CEP135: variants seen among roughly 807,000 people sequenced by gnomAD.
CEP135 encodes centrosomal protein 135, also known as centrosomal protein of 135 kDa.
In CEP135, 142 loss-of-function variants were observed where a neutral mutation model predicts 157.3. That is an observed-to-expected ratio of 0.90 (90% CI 0.79 to 1.04). The LOEUF (loss-of-function observed/expected upper bound fraction) is 1.04, where lower values mean the gene tolerates loss of function less well. Ranked by LOEUF, CEP135 falls within the 50% of genes least tolerant of loss-of-function variation. The pLI is 0.00. For synonymous variants in CEP135, 396 were observed against 439.8 expected (o/e 0.90, Z 1.25); for missense variants, 1,317 against 1,309.2 (o/e 1.01, Z -0.09).
chr4:55,969,616 G>C (rs889660620), intron 9 of CEP135, among the ~76,000 whole-genome samples: 3 of 151,974 alleles, frequency 2.0e-5, no homozygotes, highest in African/African-American at 7.3e-5. Flanking sequence ...TCATGCATGT[G>C]GTAGCATTTA....
At chr4:56,000,407 C>A (rs1264753703) in intron 17 of CEP135, among the ~76,000 whole-genome samples, 2 of 152,066 alleles carry the variant, frequency 1.3e-5, no homozygotes, top group Admixed American at 6.5e-5. Context: ...ACTGGAGTCA[C>A]CCTATTGATA....
intron 11 of CEP135, among the ~76,000 whole-genome samples, chr4:55,975,471 T>C (rs924621602): frequency 2.0e-5 from 3 of 152,248 alleles, no homozygotes; most frequent in Non-Finnish European, 4.4e-5. Flanking sequence ...GAGATTGTTT[T>C]GTTTGTCCAC....
rs370487863 is a variant in CEP135, at chr4:55,966,922, TTAAAA to T, written c.1044+1069_1044+1073del. On this transcript the variant is annotated intron_variant, in intron 8 of 25. Transcript: ENST00000257287. ...TCCAGTCTATTTTAAATATAATATC[TTAAAA>T]TAAAACTATTTCATTGTTCTTTTAA... Among the ~76,000 whole-genome samples, 140 of 152,294 alleles carry T rather than the reference TTAAAA, an allele frequency of 9.2e-4. 2 individuals carry two copies. Among genetic ancestry groups the T allele is most frequent in the African/African-American group, 3.2e-3 (135 of 41,580 alleles).
At chr4:55,973,468 G>A (rs1729093366) in intron 10 of CEP135, among the ~76,000 whole-genome samples, 1 of 152,106 alleles carries the variant, frequency 6.6e-6, no homozygotes, top group Non-Finnish European at 1.5e-5. Context: ...CAGTCTTCTG[G>A]CCTCAGATTA....
Position 55,973,365 on chromosome 4 carries a change from A to T in CEP135, c.1250-1381A>T, listed in dbSNP as rs1363459836. ...ATTTAAAATGTTTTGCACTGTCAAT[A>T]AACCCGTGAGTCCCATTTCCCACCT... On this transcript the variant is annotated intron_variant, in intron 10 of 25. Coordinates refer to ENST00000257287, the MANE Select transcript of CEP135 (RefSeq NM_025009.5). Among the ~76,000 whole-genome samples, 4 of 152,326 alleles carry T rather than the reference A, an allele frequency of 2.6e-5. No individual in the cohort carries two copies. In the East Asian group the frequency reaches 7.7e-4, roughly 29 times the overall value.
chr4:55,963,129 C>G (rs1054517824), intron 6 of CEP135, among the ~76,000 whole-genome samples: 9 of 152,208 alleles, frequency 5.9e-5, no homozygotes, highest in Non-Finnish European at 1.2e-4. Flanking sequence ...TCACCAAGTT[C>G]TGTCATTTCT....
At chr4:55,997,787 A>G (rs1181836841) in intron 15 of CEP135, among the ~76,000 whole-genome samples, 1 of 152,208 alleles carries the variant, frequency 6.6e-6, no homozygotes, top group Non-Finnish European at 1.5e-5. Context: ...ATGAGCTAAT[A>G]TGTACAAAGT....
chr4:55,990,061 C>T (rs1299622797), intron 14 of CEP135, among the ~76,000 whole-genome samples: 1 of 152,138 alleles, frequency 6.6e-6, no homozygotes, highest in Non-Finnish European at 1.5e-5. Context: ...ACTGATCCAT[C>T]TTCTTTTTTC....
chr4:56,023,033 A>G (rs1246307222), intron 24 of CEP135, among the ~76,000 whole-genome samples: 1 of 152,098 alleles, frequency 6.6e-6, no homozygotes, highest in African/African-American at 2.4e-5. Flanking sequence ...GGAGTTCAAG[A>G]CCAGCCTGGG....
chr4:55,977,176 T>C (rs768743114), intron 11 of CEP135, among the ~76,000 whole-genome samples: 7 of 152,200 alleles, frequency 4.6e-5, no homozygotes, highest in Admixed American at 1.3e-4. Flanking sequence ...ACCACAAAGA[T>C]CATTCTACAG....
chr4:56,010,082 G>T (rs1040163444), intron 19 of CEP135, among the ~76,000 whole-genome samples, 179 bp downstream of exon 19: 2 of 152,106 alleles, frequency 1.3e-5, no homozygotes, highest in Non-Finnish European at 2.9e-5. Context: ...GGGCGCAGTG[G>T]CTCACACCTG....
chr4:55,989,164 A>G lies in CEP135; in HGVS notation c.1858-2770A>G, dbSNP rs569237634. 6.6e-5 allele frequency among the ~76,000 whole-genome samples: 10 copies of G among 152,244 alleles called. No homozygotes were observed. The East Asian group carries it at 1.9e-3, about 29-fold the overall frequency. On this transcript the variant is annotated intron_variant, in intron 14 of 25. Coordinates refer to ENST00000257287, the MANE Select transcript of CEP135 (RefSeq NM_025009.5). ...AGGAAAAAATTGGATCCTAACTCAA[A>G]TATGCCACACCCAAAAATCAGTTAA...
Position 56,005,739 on chromosome 4 carries a change from A to G in CEP135, c.2281-2588A>G, listed in dbSNP as rs1233761758. On this transcript the variant is annotated intron_variant, in intron 17 of 25. Coordinates refer to ENST00000257287, the MANE Select transcript of CEP135 (RefSeq NM_025009.5). The stretch of plus-strand genomic sequence containing the variant: ...TTTTGCACGTTAGTTTTTTTCTTTC[A>G]AATTGAAAAACTCCCTTAGCATTTC... Among the ~76,000 whole-genome samples the G allele has an allele frequency of 2.6e-5, 4 of 152,182 alleles. No homozygotes were observed. In the East Asian group the frequency reaches 7.7e-4, roughly 29 times the overall value.
At position 55,981,340 on chromosome 4, in the gene CEP135, A is replaced by G. The variant is rs59759676; in HGVS notation, c.1740A>G (p.Arg580=). ...AACTTGCGTTATCTGACTTAAGAAG[A>G]ATTATGGCAGAAAAGGAAGCTTTAA... ...EKELALSDLR[R]IMAEKEALRE... The change falls in exon 13 of 26, where the codon AGA becomes AGG. Residue 580 remains arginine, a synonymous_variant. Transcript: ENST00000257287. 925 of 1,587,506 alleles carry G rather than the reference A, an allele frequency of 5.8e-4. 1 individual carries two copies. Among genetic ancestry groups the G allele is most frequent in the African/African-American group, 3.9e-3 (283 of 72,964 alleles).
intron 17 of CEP135, among the ~76,000 whole-genome samples, chr4:56,004,502 G>C (rs1477272669): frequency 6.6e-6 from 1 of 152,196 alleles, no homozygotes; most frequent in Non-Finnish European, 1.5e-5. Flanking sequence ...TGATAGTGGG[G>C]TGGTGAAGTC....
chr4:56,020,738 A>G lies in CEP135; in HGVS notation c.3278A>G (p.Tyr1093Cys), dbSNP rs1553895735. The G allele has an allele frequency of 1.2e-6, 2 of 1,613,762 alleles. No homozygotes were observed. The highest frequency in any genetic ancestry group is 1.7e-5 in the Admixed American group (1 of 60,008). ...AAAGTGGCACAGTTACAAACAGATT[A>G]TGATGCTCTGAAAAGGCAGATCTCA... ...RAKVAQLQTD[Y>C]DALKRQISTE... The change falls in exon 24 of 26, where the codon TAT becomes TGT. Residue 1093 changes from tyrosine (Y) to cysteine (C), a missense_variant. Coordinates refer to ENST00000257287, the MANE Select transcript of CEP135 (RefSeq NM_025009.5).
intron 25 of CEP135, among the ~76,000 whole-genome samples, chr4:56,029,020 T>G (rs975902560): frequency 6.6e-6 from 1 of 152,196 alleles, no homozygotes; most frequent in African/African-American, 2.4e-5. Flanking sequence ...TTCTATTAAT[T>G]TGCTAGAGCA....
chr4:55,968,022 C>T (rs902496902), intron 8 of CEP135, among the ~76,000 whole-genome samples: 2 of 152,216 alleles, frequency 1.3e-5, no homozygotes, highest in African/African-American at 4.8e-5. Context: ...AAGCCTTCAA[C>T]ATTCCGCAGA....
At chr4:55,961,101 CAAAAAAAA>C (rs59483327) in intron 6 of CEP135, among the ~76,000 whole-genome samples, 2 of 70,000 alleles carry the variant, frequency 2.9e-5, no homozygotes, top group African/African-American at 9.8e-5. Context: ...GACTCTGTCT[CAAAAAAAA>C]AAAAAAAAAA....
Sources: gnomAD v4.1 joint callset for allele counts (sites outside exome capture counted in the v4.1 genomes callset) on GRCh38, gnomAD v4.1.1 for gene constraint, MANE v1.5 for transcripts, NCBI Gene and HGNC (gene_info 2026-07-23, HGNC 2026-07-21) for gene names.